GNA14: variants seen among roughly 807,000 people sequenced by gnomAD.
GNA14 encodes G protein subunit alpha 14.
GNA14 carries 50 observed loss-of-function variants against 42.0 expected under a neutral mutation model. The observed-to-expected ratio is 1.19, with a 90% CI of 0.95 to 1.51. The LOEUF (loss-of-function observed/expected upper bound fraction) is 1.51. GNA14 is among the 40% of genes most tolerant of loss of function. The pLI is 0.00. For missense variants in GNA14, 473 were observed against 446.2 expected (o/e 1.06, Z -0.54); for synonymous variants, 173 against 163.1 (o/e 1.06, Z -0.46).
intron 1 of GNA14, among the ~76,000 whole-genome samples, chr9:77,612,736 A>T (rs1246831784): frequency 4.6e-5 from 7 of 152,082 alleles, no homozygotes; most frequent in African/African-American, 1.7e-4. Flanking sequence ...TGTTCATGGG[A>T]ATGTAAATTT....
chr9:77,463,820 G>T (rs981374289), intron 2 of GNA14, among the ~76,000 whole-genome samples: 6 of 152,162 alleles, frequency 3.9e-5, no homozygotes, highest in Non-Finnish European at 7.4e-5. Flanking sequence ...CCAGGCTGAT[G>T]GCTGAAATTT....
chr9:77,472,890 C>G (rs575154226), intron 2 of GNA14, among the ~76,000 whole-genome samples: 1 of 151,856 alleles, frequency 6.6e-6, no homozygotes, highest in African/African-American at 2.4e-5. Flanking sequence ...TCACTAAGAA[C>G]AGAATCTTCT....
chr9:77,493,547 C>A (rs1836822463), intron 2 of GNA14, among the ~76,000 whole-genome samples: 1 of 152,140 alleles, frequency 6.6e-6, no homozygotes, highest in African/African-American at 2.4e-5. Context: ...GACTGTGGAT[C>A]ATGTTACCCA....
At chr9:77,603,766 C>T (rs951964862) in intron 1 of GNA14, among the ~76,000 whole-genome samples, 2 of 151,836 alleles carry the variant, frequency 1.3e-5, no homozygotes, top group Non-Finnish European at 2.9e-5. Flanking sequence ...GAGATTGAGA[C>T]TATCCTGGCT....
chr9:77,529,808 C>T (rs925138989), intron 1 of GNA14, among the ~76,000 whole-genome samples: 4 of 152,088 alleles, frequency 2.6e-5, no homozygotes, highest in Admixed American at 6.5e-5. Context: ...GGCCAAGGAA[C>T]GTGTTACAGT....
At chr9:77,512,362 A>C (rs191224021) in intron 2 of GNA14, among the ~76,000 whole-genome samples, 10 of 152,296 alleles carry the variant, frequency 6.6e-5, no homozygotes, top group African/African-American at 2.4e-4. Context: ...TTTTTAATTA[A>C]AATGTAGCAT....
At chr9:77,628,209 G>T (rs975105000) in intron 1 of GNA14, among the ~76,000 whole-genome samples, 11 of 152,132 alleles carry the variant, frequency 7.2e-5, no homozygotes, top group African/African-American at 2.7e-4. Flanking sequence ...CTCTTCAAGA[G>T]AACTACAAAC....
chr9:77,502,959 G>GGCACAGA (rs1229835429), intron 2 of GNA14, among the ~76,000 whole-genome samples: 1 of 152,128 alleles, frequency 6.6e-6, no homozygotes, highest in Non-Finnish European at 1.5e-5. Flanking sequence ...GCCCCTTGCT[G>GGCACAGA]TTTCCAGTCA....
chr9:77,600,393 G>C (rs1021961374), intron 1 of GNA14, among the ~76,000 whole-genome samples: 1 of 152,212 alleles, frequency 6.6e-6, no homozygotes, highest in East Asian at 1.9e-4. Flanking sequence ...AACTGTGAGA[G>C]CAATTGATTT....
intron 2 of GNA14, among the ~76,000 whole-genome samples, chr9:77,521,342 C>A (rs113612997): frequency 6.6e-6 from 1 of 152,092 alleles, no homozygotes; most frequent in Non-Finnish European, 1.5e-5. Flanking sequence ...CCCAAAGGTT[C>A]GTGCAGAATC....
chr9:77,622,354 G>A (rs1355138057), intron 1 of GNA14, among the ~76,000 whole-genome samples: 2 of 152,138 alleles, frequency 1.3e-5, no homozygotes, highest in African/African-American at 4.8e-5. Context: ...TTGGTCGTGA[G>A]GCAGCTAAAA....
At chr9:77,455,162 G>C (rs547055187) in intron 2 of GNA14, among the ~76,000 whole-genome samples, 1 of 152,160 alleles carries the variant, frequency 6.6e-6, no homozygotes, top group Non-Finnish European at 1.5e-5. Flanking sequence ...AGGTCCTCAG[G>C]ACTGTAGGAC....
intron 1 of GNA14, among the ~76,000 whole-genome samples, chr9:77,605,201 A>G (rs537838454): frequency 2.0e-5 from 3 of 152,336 alleles, no homozygotes; most frequent in Non-Finnish European, 4.4e-5. Context: ...TATTGTCCAC[A>G]CATTTGTCAA....
At chr9:77,557,313 T>C (rs1256960304) in intron 1 of GNA14, among the ~76,000 whole-genome samples, 1 of 152,168 alleles carries the variant, frequency 6.6e-6, no homozygotes, top group African/African-American at 2.4e-5. Flanking sequence ...CTATGGTGAA[T>C]TGCCAGAGCC....
At chr9:77,620,755 G>A (rs1453606408) in intron 1 of GNA14, among the ~76,000 whole-genome samples, 2 of 149,358 alleles carry the variant, frequency 1.3e-5, no homozygotes, top group South Asian at 2.1e-4. Flanking sequence ...GCTGAGGCAG[G>A]AGAATTTGTT....
chr9:77,637,636 C>G (rs746413165), intron 1 of GNA14, among the ~76,000 whole-genome samples: 2 of 152,062 alleles, frequency 1.3e-5, no homozygotes, highest in South Asian at 4.1e-4. Context: ...GTAGGAGGAT[C>G]GCTTGAGGCC....
At chr9:77,541,436 T>C (rs1178664584) in intron 1 of GNA14, among the ~76,000 whole-genome samples, 1 of 152,184 alleles carries the variant, frequency 6.6e-6, no homozygotes, top group Non-Finnish European at 1.5e-5. Context: ...TATAGGTGAC[T>C]ATAAACTTTT....
In GNA14 at chr9:77,641,726, G is replaced by A. The variant is rs532493906; in HGVS notation, c.124+5944C>T. On this transcript the variant is annotated intron_variant, in intron 1 of 6. Coordinates refer to ENST00000341700, the MANE Select transcript of GNA14 (RefSeq NM_004297.4). Reference sequence around the variant, plus strand: ...CTCTGGACCCTGTACTGGAGGTGGGGGAACACCACTAAGGACGTTATTGGG... The same window carrying A: ...CTCTGGACCCTGTACTGGAGGTGGGAGAACACCACTAAGGACGTTATTGGG... 3.3e-5 allele frequency among the ~76,000 whole-genome samples: 5 copies of A among 152,282 alleles called. No individual in the cohort carries two copies. The East Asian group carries it at 9.6e-4, about 29-fold the overall frequency.
At chr9:77,599,451 G>T (rs752418604) in intron 1 of GNA14, among the ~76,000 whole-genome samples, 3 of 152,178 alleles carry the variant, frequency 2.0e-5, no homozygotes, top group Non-Finnish European at 4.4e-5. Context: ...TACACAGAGG[G>T]TAGTAAATGA....
Sources: allele counts gnomAD v4.1 joint callset (sites outside exome capture counted in the v4.1 genomes callset), GRCh38; gene constraint gnomAD v4.1.1; transcripts MANE v1.5; gene names NCBI Gene and HGNC (gene_info 2026-07-23, HGNC 2026-07-21).